FAT3: variants seen among roughly 807,000 people sequenced by gnomAD.
FAT3 encodes FAT atypical cadherin 3, also known as protocadherin Fat 3.
A neutral mutation model predicts 310.2 loss-of-function variants in FAT3; 95 were observed. That is an observed-to-expected ratio of 0.31 (90% CI 0.26 to 0.36). The LOEUF (loss-of-function observed/expected upper bound fraction) is 0.36. Ranked by LOEUF, FAT3 falls within the 10% of genes least tolerant of loss-of-function variation. The pLI, the probability that FAT3 is intolerant of heterozygous loss-of-function variation, is 1.00. For synonymous variants in FAT3, 2,314 were observed against 2,192.9 expected (o/e 1.06, Z -1.54); for missense variants, 5,408 against 5,715.6 (o/e 0.95, Z 1.74).
At chr11:92,763,197 T>G (rs1050562532) in intron 5 of FAT3, among the ~76,000 whole-genome samples, 5 of 151,862 alleles carry the variant, frequency 3.3e-5, no homozygotes, top group African/African-American at 1.2e-4. Flanking sequence ...CTTTTCTTTG[T>G]CTTTATCCTT....
At chr11:92,530,702 A>C in intron 3 of FAT3, among the ~76,000 whole-genome samples, 1 of 152,056 alleles carries the variant, frequency 6.6e-6, no homozygotes, top group East Asian at 1.9e-4. Flanking sequence ...TGAATCAACA[A>C]ACATTATTGT....
At chr11:92,365,347 T>TA (rs1325373673) in intron 2 of FAT3, among the ~76,000 whole-genome samples, 4 of 152,226 alleles carry the variant, frequency 2.6e-5, no homozygotes, top group South Asian at 2.1e-4. Context: ...TGGCAAATGG[T>TA]AAAAAAACAG....
intron 4 of FAT3, among the ~76,000 whole-genome samples, chr11:92,743,433 A>C (rs552981459): frequency 4.1e-4 from 62 of 152,240 alleles, no homozygotes; most frequent in Non-Finnish European, 7.5e-4. Context: ...TGGTTTAGGC[A>C]GGAGATAATG....
chr11:92,628,147 T>C (rs1941405458), intron 3 of FAT3, among the ~76,000 whole-genome samples: 2 of 152,224 alleles, frequency 1.3e-5, no homozygotes, highest in Admixed American at 1.3e-4. Context: ...ACAGGGCCTT[T>C]ACTACTGAGT....
At chr11:92,272,756 C>T (rs771156026) in intron 1 of FAT3, among the ~76,000 whole-genome samples, 7 of 152,042 alleles carry the variant, frequency 4.6e-5, no homozygotes, top group Non-Finnish European at 8.8e-5. Flanking sequence ...TCAGGCCATC[C>T]TTACTTCTGT....
At chr11:92,371,262 A>G (rs145639826) in intron 2 of FAT3, among the ~76,000 whole-genome samples, 232 of 152,330 alleles carry the variant, frequency 1.5e-3, no homozygotes, top group African/African-American at 5.1e-3. Context: ...TCCACATATT[A>G]TGGATGAGAA....
intron 13 of FAT3, among the ~76,000 whole-genome samples, chr11:92,814,726 G>A (rs1393536749): frequency 2.0e-5 from 3 of 152,188 alleles, no homozygotes; most frequent in Non-Finnish European, 4.4e-5. Context: ...GGGGACAAGG[G>A]GAGGAAGAAC....
chr11:92,442,807 G>T (rs756782132), intron 2 of FAT3, among the ~76,000 whole-genome samples: 1 of 152,086 alleles, frequency 6.6e-6, no homozygotes, highest in African/African-American at 2.4e-5. Context: ...CAAATGACAG[G>T]TTCATTTTTT....
intron 1 of FAT3, among the ~76,000 whole-genome samples, chr11:92,274,358 G>A (rs1268111611): frequency 6.6e-6 from 1 of 152,010 alleles, no homozygotes; most frequent in Admixed American, 6.6e-5. Context: ...TAGTAACTTG[G>A]AGAGTCACTG....
intron 2 of FAT3, among the ~76,000 whole-genome samples, chr11:92,459,714 A>G (rs974353614): frequency 1.3e-5 from 2 of 152,066 alleles, no homozygotes; most frequent in Non-Finnish European, 2.9e-5. Flanking sequence ...GGGTAGTGCA[A>G]ATGCCTCAAT....
At position 92,787,127 on chromosome 11, in the gene FAT3, G is replaced by A. The variant is rs111827689; in HGVS notation, c.4336-2816G>A. On this transcript the variant is annotated intron_variant, in intron 7 of 27. Transcript: ENST00000525166. The stretch of plus-strand genomic sequence containing the variant: ...CTCCAGACACTACTAAATGTCCCCC[G>A]GAAGACAAAACCCTCCCCAGTTGAG... Among the ~76,000 whole-genome samples the A allele has an allele frequency of 8.5e-3, 1,290 of 152,128 alleles. 30 individuals are homozygous for A. The highest frequency in any genetic ancestry group is 0.029 in the African/African-American group (1,223 of 41,512).
chr11:92,658,072 T>G (rs1942643540), intron 3 of FAT3, among the ~76,000 whole-genome samples: 1 of 152,242 alleles, frequency 6.6e-6, no homozygotes, highest in Non-Finnish European at 1.5e-5. Flanking sequence ...TGATATTTAA[T>G]GAATATTAAG....
At chr11:92,428,277 A>G (rs1591275945) in intron 2 of FAT3, among the ~76,000 whole-genome samples, 1 of 147,908 alleles carries the variant, frequency 6.8e-6, no homozygotes, top group Non-Finnish European at 1.5e-5. Context: ...CTTCTTTGTT[A>G]GTCTGGCTAG....
At chr11:92,626,578 G>A (rs921856097) in intron 3 of FAT3, among the ~76,000 whole-genome samples, 4 of 152,034 alleles carry the variant, frequency 2.6e-5, no homozygotes, top group East Asian at 1.9e-4. Flanking sequence ...GGGTCTTTTC[G>A]GGGGGCACTT....
intron 1 of FAT3, among the ~76,000 whole-genome samples, chr11:92,330,256 T>C (rs1259179923): frequency 6.6e-6 from 1 of 152,134 alleles, no homozygotes; most frequent in African/African-American, 2.4e-5. Flanking sequence ...ACTAAAATAG[T>C]GTGTTTCTAG....
chr11:92,460,870 A>C (rs1198361555), intron 2 of FAT3, among the ~76,000 whole-genome samples: 1 of 152,004 alleles, frequency 6.6e-6, no homozygotes, highest in Non-Finnish European at 1.5e-5. Context: ...AGGGGAGGCA[A>C]CTCCCTCTCC....
intron 2 of FAT3, among the ~76,000 whole-genome samples, chr11:92,476,503 T>C (rs1438625414): frequency 6.6e-6 from 1 of 152,130 alleles, no homozygotes; most frequent in Non-Finnish European, 1.5e-5. Context: ...CTTGTACACA[T>C]ACACATGCAG....
At chr11:92,781,204 T>C (rs2136133355) in intron 7 of FAT3, among the ~76,000 whole-genome samples, 1 of 150,938 alleles carries the variant, frequency 6.6e-6, no homozygotes, top group East Asian at 2.0e-4. Context: ...TGCCTCAGGC[T>C]CCAGAGTAGC....
At chr11:92,370,590 T>C (rs564237872) in intron 2 of FAT3, among the ~76,000 whole-genome samples, 1 of 152,344 alleles carries the variant, frequency 6.6e-6, no homozygotes, top group African/African-American at 2.4e-5. Context: ...ATAAAAACAG[T>C]TATTAAATAT....
Sources: gnomAD v4.1 joint callset for allele counts (sites outside exome capture counted in the v4.1 genomes callset) on GRCh38, gnomAD v4.1.1 for gene constraint, MANE v1.5 for transcripts, NCBI Gene and HGNC (gene_info 2026-07-23, HGNC 2026-07-21) for gene names.